AKAP17A: variants seen among roughly 807,000 people sequenced by gnomAD.
AKAP17A encodes A-kinase anchor protein 17A.
In AKAP17A, 15 loss-of-function variants were observed where a neutral mutation model predicts 52.2. The ratio of observed to expected loss-of-function variants is 0.29; its 90% CI spans 0.19 to 0.44. The LOEUF (loss-of-function observed/expected upper bound fraction) is 0.44. Ranked by LOEUF, AKAP17A falls within the 20% of genes least tolerant of loss-of-function variation. AKAP17A has a pLI of 1.00. For missense variants in AKAP17A, 1,060 were observed against 1,007.0 expected, an observed-to-expected ratio of 1.05 and a Z score of -0.71; for synonymous variants, 514 against 424.7, an observed-to-expected ratio of 1.21 and a Z score of -2.58.
chrX:1,597,821 G>C (rs1422423574), intron 3 of AKAP17A, among the ~76,000 whole-genome samples: 1 of 152,128 alleles, frequency 6.6e-6, no homozygotes, highest in Non-Finnish European at 1.5e-5. Context: ...AGAGGGATTG[G>C]GGGAAGCGGG....
At chrX:1,597,195 C>A (rs1933046285) in intron 3 of AKAP17A, among the ~76,000 whole-genome samples, 1 of 152,176 alleles carries the variant, frequency 6.6e-6, no homozygotes, top group South Asian at 2.1e-4. Flanking sequence ...CTCCTGGGAG[C>A]AGGTCCATCC....
chrX:1,594,293 A>G, intron 2 of AKAP17A, 69 bp downstream of exon 2: 1 of 1,485,144 alleles, frequency 6.7e-7, no homozygotes, highest in Non-Finnish European at 8.9e-7. Context: ...CAGGGTCAGC[A>G]GAACGCTCCC....
chrX:1,594,309 C>T, intron 2 of AKAP17A, 85 bp downstream of exon 2: 1 of 1,451,814 alleles, frequency 6.9e-7, no homozygotes, highest in Non-Finnish European at 9.1e-7. Context: ...CTCCCAGCCA[C>T]ACCCCTGAGG....
At chrX:1,597,214 G>A (rs1229630130) in intron 3 of AKAP17A, among the ~76,000 whole-genome samples, 1 of 152,214 alleles carries the variant, frequency 6.6e-6, no homozygotes, top group Non-Finnish European at 1.5e-5. Flanking sequence ...CCTGCCCGTG[G>A]TGTTCTTTAC....
Position 1,601,717 on chromosome X carries a change from T to G in AKAP17A, c.*123T>G. On this transcript the variant is annotated 3_prime_UTR_variant, in exon 5 of 5. Coordinates refer to ENST00000313871, the MANE Select transcript of AKAP17A (RefSeq NM_005088.3). ...GCCAAGACCCTTCTGCAGCCACGAA[T>G]GTCCACGGAGCCCGCCGGCAGGAAG... 1 of 923,688 alleles carries G rather than the reference T, an allele frequency of 1.1e-6. No individual in the cohort carries two copies. The highest frequency in any genetic ancestry group is 1.5e-6 in the Non-Finnish European group (1 of 685,516). The allele number at this position is 923,688 out of a possible 1,614,324, so 57.2% of individuals were successfully genotyped here.
At chrX:1,592,237 G>A (rs1432049577) in intron 1 of AKAP17A, among the ~76,000 whole-genome samples, 9 of 152,044 alleles carry the variant, frequency 5.9e-5, no homozygotes, top group African/African-American at 1.4e-4. Context: ...CATCCAGGAG[G>A]GTGGTGGGGA....
intron 3 of AKAP17A, among the ~76,000 whole-genome samples, chrX:1,598,882 A>T (rs1459592668): frequency 1.3e-5 from 2 of 152,238 alleles, no homozygotes; most frequent in African/African-American, 4.8e-5. Flanking sequence ...CCGTCTGCCC[A>T]TCCGTCTTTC....
chrX:1,599,092 G>A, intron 3 of AKAP17A, 100 bp from the exon 4 acceptor site: 1 of 1,521,256 alleles, frequency 6.6e-7, no homozygotes, highest in Non-Finnish European at 8.8e-7. Flanking sequence ...TTAATCGTTG[G>A]ACCGTGGCCT....
At position 1,601,474 on chromosome X, in the gene AKAP17A, G is replaced by C; in HGVS notation, c.1968G>C (p.Arg656=). The C allele has an allele frequency of 6.4e-7, 1 of 1,569,584 alleles. No homozygotes were observed. Among genetic ancestry groups the C allele is most frequent in the South Asian group, 1.1e-5 (1 of 88,748 alleles). The change falls in exon 5 of 5, where the codon CGG becomes CGC. Residue 656 remains arginine, a synonymous_variant. Coordinates refer to ENST00000313871, the MANE Select transcript of AKAP17A (RefSeq NM_005088.3). The part of the protein sequence containing the change: ...SRRSHSKDRH[R]RERSRERRGS... ...GGTCCCACAGCAAAGACAGGCACCG[G>C]AGGGAGCGGAGCCGGGAGCGGAGGG...
rs138420977 is a variant in AKAP17A at position 1,594,107 on chromosome X, C to T, written c.645C>T (p.Phe215=). The T allele has an allele frequency of 9.6e-5, 155 of 1,613,640 alleles. No homozygotes were observed. Among genetic ancestry groups the T allele is most frequent in the African/African-American group, 2.3e-4 (17 of 75,042 alleles). ...HTFSFGGHLN[F]EAYVQYREYM... ...TCAGTTTCGGGGGGCACTTGAACTT[C>T]GAGGCCTATGTGCAGTACCGCGAGT... The change falls in exon 2 of 5, where the codon TTC becomes TTT. Residue 215 remains phenylalanine, a synonymous_variant. Coordinates refer to ENST00000313871, the MANE Select transcript of AKAP17A (RefSeq NM_005088.3).
rs760695116 is a variant in AKAP17A at position 1,599,376 on chromosome X, G to T, written c.1096G>T (p.Ala366Ser). The T allele has an allele frequency of 1.3e-6, 2 of 1,583,780 alleles. No homozygotes were observed. Among genetic ancestry groups the T allele is most frequent in the African/African-American group, 2.7e-5 (2 of 74,364 alleles). The change falls in exon 4 of 5, where the codon GCC becomes TCC. Residue 366 changes from alanine to serine, a missense_variant. Physicochemically the swap from Ala to Ser is moderately conservative, Grantham distance 99. Coordinates refer to ENST00000313871, the MANE Select transcript of AKAP17A (RefSeq NM_005088.3). ...GCTGGAGGAGCGCAAGCTGCTGCTGGCCCAGAGGAACCTGCAGTCCATCCG... is the reference window on the plus strand; with the variant it reads ...GCTGGAGGAGCGCAAGCTGCTGCTGTCCCAGAGGAACCTGCAGTCCATCCG... ...IKLEERKLLL[A>S]QRNLQSIRLI...
rs1933353030 is a variant in AKAP17A at position 1,601,152 on chromosome X, G to T, written c.1646G>T (p.Cys549Phe). 2 of 1,613,844 alleles carry T rather than the reference G, an allele frequency of 1.2e-6. No individual in the cohort carries two copies. Among genetic ancestry groups the T allele is most frequent in the Non-Finnish European group, 1.7e-6 (2 of 1,179,730 alleles). Reference protein sequence around the residue: ...EKRCPGGVLSCIPDNNQQPKG... With the variant: ...EKRCPGGVLSFIPDNNQQPKG... Reference sequence around the variant, plus strand: ...AGGTGCCCGGGCGGCGTCCTCTCCTGCATTCCTGACAACAACCAACAGCCC... The same window carrying T: ...AGGTGCCCGGGCGGCGTCCTCTCCTTCATTCCTGACAACAACCAACAGCCC... Residue 549 changes from cysteine (C) to phenylalanine (F), a missense_variant, in exon 5 of 5, where the codon TGC (cysteine) becomes TTC (phenylalanine). Physicochemically the swap from Cys to Phe is radical, Grantham distance 205. This residue lies in a region of AKAP17A where 793 missense variants were observed against 629.9 expected (regional missense o/e 1.26). Transcript: ENST00000313871.
At position 1,600,855 on chromosome X, in the gene AKAP17A, G is replaced by A. The variant is rs780221816; in HGVS notation, c.1349G>A (p.Ser450Asn). Residue 450 changes from serine to asparagine, a missense_variant, in exon 5 of 5, where the codon AGC (serine) becomes AAC (asparagine). Ser to Asn is a conservative substitution (Grantham distance 46, BLOSUM62 1). Around this residue, in one of 2 missense-constraint regions of AKAP17A, gnomAD observed 793 missense variants for 629.9 expected, o/e 1.26. Transcript: ENST00000313871. ...SILLSKKPDD[S>N]HTHDELGVAH... ...CTGCTGAGCAAGAAGCCGGACGACAGCCACACACACGACGAGCTGGGCGTG... is the reference window on the plus strand; with the variant it reads ...CTGCTGAGCAAGAAGCCGGACGACAACCACACACACGACGAGCTGGGCGTG... The A allele has an allele frequency of 2.5e-6, 4 of 1,591,458 alleles. No individual in the cohort carries two copies. Among genetic ancestry groups the A allele is most frequent in the Non-Finnish European group, 3.4e-6 (4 of 1,173,062 alleles).
chrX:1,596,343 C>G (rs1161905771), intron 3 of AKAP17A, among the ~76,000 whole-genome samples: 2 of 152,050 alleles, frequency 1.3e-5, no homozygotes, highest in Non-Finnish European at 2.9e-5. Context: ...GAGACAACCT[C>G]AGGTCACTCT....
rs150808537 is a variant in AKAP17A, at chrX:1,601,070, T to C, written c.1564T>C (p.Cys522Arg). 1.3e-4 allele frequency: 211 copies of C among 1,613,428 alleles called. 1 individual carries two copies. In the African/African-American group the frequency reaches 1.7e-3, roughly 13 times the overall value. ...CGGGAGCGTGGCCGAGGAGGCCCCA[T>C]GCAAGGAGGTTCAGAGCTCCTGTCG... is the stretch of plus-strand genomic sequence containing the variant. ...VNGSVAEEAP[C>R]KEVQSSCRVV... The change falls in exon 5 of 5, where the codon TGC (cysteine) becomes CGC (arginine). Residue 522 changes from cysteine (C) to arginine (R), a missense_variant. Coordinates refer to ENST00000313871, the MANE Select transcript of AKAP17A (RefSeq NM_005088.3).
chrX:1,598,261 A>G (rs1424353170), intron 3 of AKAP17A, among the ~76,000 whole-genome samples: 1 of 152,156 alleles, frequency 6.6e-6, no homozygotes, highest in Admixed American at 6.5e-5. Context: ...CCCCGCCCGG[A>G]GACCGTGTGG....
chrX:1,601,059 A>T lies in AKAP17A; in HGVS notation c.1553A>T (p.Glu518Val). 6.2e-7 allele frequency: 1 copy of T among 1,613,374 alleles called. No homozygotes were observed. Among genetic ancestry groups the T allele is most frequent in the Non-Finnish European group, 8.5e-7 (1 of 1,179,720 alleles). ...APKSVNGSVA[E>V]EAPCKEVQSS... is the part of the protein sequence containing the mutation. ...AAAAGCGTGAACGGGAGCGTGGCCG[A>T]GGAGGCCCCATGCAAGGAGGTTCAG... The change falls in exon 5 of 5, where the codon GAG (glutamate) becomes GTG (valine). Residue 518 changes from glutamate (E) to valine (V), a missense_variant. Physicochemically the swap from Glu to Val is moderately radical, Grantham distance 121. Transcript: ENST00000313871.
chrX:1,592,387 T>C (rs1282974622), intron 1 of AKAP17A, among the ~76,000 whole-genome samples: 1 of 149,836 alleles, frequency 6.7e-6, no homozygotes, highest in Admixed American at 6.6e-5. Flanking sequence ...TGCCGCGTAC[T>C]GGGGATTGGG....
intron 3 of AKAP17A, among the ~76,000 whole-genome samples, chrX:1,598,675 G>C (rs1336845337): frequency 1.3e-5 from 2 of 152,168 alleles, no homozygotes; most frequent in South Asian, 2.1e-4. Context: ...AAAAGTGCAA[G>C]GAGCTGAGTG....
Sources: allele counts gnomAD v4.1 joint callset (sites outside exome capture counted in the v4.1 genomes callset), GRCh38; gene constraint gnomAD v4.1.1; regional missense constraint gnomAD v4.1.1; transcripts MANE v1.5; gene names NCBI Gene and HGNC (gene_info 2026-07-23, HGNC 2026-07-21).